Variants in SH3RF3 observed in about 807,000 individuals in gnomAD.
SH3RF3 encodes SH3 domain containing ring finger 3.
In SH3RF3, 29 loss-of-function variants were observed where a neutral mutation model predicts 66.3. The observed-to-expected ratio is 0.44, with a 90% CI of 0.33 to 0.60. SH3RF3 has a LOEUF of 0.60. SH3RF3 is among the 20% of genes least tolerant of loss of function. SH3RF3 has a pLI of 0.04. For synonymous variants in SH3RF3, 583 were observed against 532.0 expected (o/e 1.10, Z -1.32); for missense variants, 1,194 against 1,190.9 (o/e 1.00, Z -0.04).
At chr2:109,342,191 C>T (rs1174866170) in intron 1 of SH3RF3, among the ~76,000 whole-genome samples, 1 of 152,208 alleles carries the variant, frequency 6.6e-6, no homozygotes, top group Non-Finnish European at 1.5e-5. Context: ...TTCTCATCAG[C>T]CATACCTGGG....
intron 1 of SH3RF3, among the ~76,000 whole-genome samples, chr2:109,230,714 GC>G (rs1165147133): frequency 7.2e-5 from 11 of 152,228 alleles, no homozygotes; most frequent in Admixed American, 2.6e-4. Flanking sequence ...TATGTCACCA[GC>G]ATTAAGTACA....
At chr2:109,440,190 T>C (rs1178108978) in intron 7 of SH3RF3, among the ~76,000 whole-genome samples, 2 of 152,194 alleles carry the variant, frequency 1.3e-5, no homozygotes, top group African/African-American at 2.4e-5. Flanking sequence ...AGTGTGTAGA[T>C]GACAGTTCCC....
rs1679455073 is a variant in SH3RF3, at chr2:109,503,707, T to A, written c.*2036T>A. 6.6e-6 allele frequency: 1 copy of A among 152,150 alleles called. No individual in the cohort carries two copies. The highest frequency in any genetic ancestry group is 1.5e-5 in the Non-Finnish European group (1 of 68,032). 9.4% of individuals were successfully genotyped at this position (152,150 alleles called of 1,614,324 possible). A position where few individuals can be genotyped will look rare whatever the true frequency, so the allele number is the denominator to read the frequency against. On this transcript the variant is annotated 3_prime_UTR_variant, in exon 10 of 10. Transcript: ENST00000309415. ...TGTTCTCCAGGGAAACCAGACCAAG[T>A]CAAGTCTCCAGGTAACTTTTTTGAA... is the stretch of plus-strand genomic sequence containing the variant.
intron 1 of SH3RF3, among the ~76,000 whole-genome samples, chr2:109,336,403 G>A (rs1335014005): frequency 6.6e-6 from 1 of 152,228 alleles, no homozygotes; most frequent in Non-Finnish European, 1.5e-5. Context: ...TGACTCACTA[G>A]CATGCAAAAT....
chr2:109,147,497 A>G (rs1364526461), intron 1 of SH3RF3, among the ~76,000 whole-genome samples: 2 of 152,200 alleles, frequency 1.3e-5, no homozygotes, highest in Non-Finnish European at 2.9e-5. Flanking sequence ...AACAGATCTG[A>G]TAAGAAGCCC....
intron 1 of SH3RF3, among the ~76,000 whole-genome samples, chr2:109,212,657 C>A (rs1679014312): frequency 6.6e-6 from 1 of 152,188 alleles, no homozygotes; most frequent in Admixed American, 6.5e-5. Flanking sequence ...TAGCAACCTC[C>A]CTTTTCTTGT....
At chr2:109,441,531 TGAATG>T in intron 7 of SH3RF3, among the ~76,000 whole-genome samples, 1 of 152,062 alleles carries the variant, frequency 6.6e-6, no homozygotes, top group Non-Finnish European at 1.5e-5. Context: ...TTTTGAAAAA[TGAATG>T]GAATCCGTGA....
At chr2:109,346,479 T>C (rs988045029) in intron 1 of SH3RF3, among the ~76,000 whole-genome samples, 3 of 152,042 alleles carry the variant, frequency 2.0e-5, no homozygotes, top group African/African-American at 7.2e-5. Context: ...GGTAGGAAAA[T>C]CGTTGGGTAT....
intron 1 of SH3RF3, among the ~76,000 whole-genome samples, chr2:109,182,976 T>G (rs1287864951): frequency 1.3e-5 from 2 of 152,244 alleles, no homozygotes; most frequent in Admixed American, 6.5e-5. Context: ...GACCCCATTT[T>G]GGGTCTCCTA....
At chr2:109,166,417 TG>T (rs1239686852) in intron 1 of SH3RF3, among the ~76,000 whole-genome samples, 1 of 146,462 alleles carries the variant, frequency 6.8e-6, no homozygotes, top group Non-Finnish European at 1.5e-5. Flanking sequence ...GCGGAGGTTG[TG>T]GTGAGCTGAG....
At chr2:109,345,649 G>A (rs1366777019) in intron 1 of SH3RF3, among the ~76,000 whole-genome samples, 1 of 152,184 alleles carries the variant, frequency 6.6e-6, no homozygotes, top group African/African-American at 2.4e-5. Context: ...GGATATCTAA[G>A]TGTCTCCATG....
At chr2:109,423,509 AC>A (rs2104535066) in intron 5 of SH3RF3, among the ~76,000 whole-genome samples, 1 of 152,302 alleles carries the variant, frequency 6.6e-6, no homozygotes, top group East Asian at 1.9e-4. Flanking sequence ...AGACAGGGGC[AC>A]CTTCCATTCC....
chr2:109,349,769 T>A (rs933676824), intron 2 of SH3RF3, among the ~76,000 whole-genome samples: 4 of 152,212 alleles, frequency 2.6e-5, no homozygotes, highest in Admixed American at 2.6e-4. Flanking sequence ...GTAGGCCTGC[T>A]TCTCTGGGCA....
chr2:109,251,459 T>C, intron 1 of SH3RF3: 2 of 729,312 alleles, frequency 2.7e-6, no homozygotes, highest in Admixed American at 1.7e-5. Flanking sequence ...AAAAAATCTA[T>C]GGACAAGAAG....
intron 1 of SH3RF3, among the ~76,000 whole-genome samples, chr2:109,340,093 G>T (rs553613410): frequency 6.6e-6 from 1 of 152,294 alleles, no homozygotes; most frequent in African/African-American, 2.4e-5. Flanking sequence ...GGAGTGTCTG[G>T]TGGGGAGTAG....
chr2:109,191,311 C>G (rs1211349821), intron 1 of SH3RF3, among the ~76,000 whole-genome samples: 1 of 152,190 alleles, frequency 6.6e-6, no homozygotes, highest in Non-Finnish European at 1.5e-5. Flanking sequence ...GTGCAATGCC[C>G]TGGAGAATCA....
At chr2:109,193,879 G>A (rs1188833630) in intron 1 of SH3RF3, among the ~76,000 whole-genome samples, 2 of 152,158 alleles carry the variant, frequency 1.3e-5, no homozygotes, top group African/African-American at 2.4e-5. Flanking sequence ...GATAATCTCC[G>A]TTTACAGGGT....
intron 1 of SH3RF3, among the ~76,000 whole-genome samples, chr2:109,187,130 G>C (rs1678211589): frequency 1.3e-5 from 2 of 149,752 alleles, no homozygotes; most frequent in African/African-American, 2.4e-5. Context: ...ACAGGGTGAG[G>C]GACACAGGAC....
intron 3 of SH3RF3, among the ~76,000 whole-genome samples, chr2:109,386,352 C>CA (rs1348700571): frequency 2.6e-5 from 4 of 151,932 alleles, no homozygotes; most frequent in Non-Finnish European, 4.4e-5. Flanking sequence ...CAGGGAAGGT[C>CA]AGGCCGTACA....
Sources: gnomAD v4.1 joint callset for allele counts (sites outside exome capture counted in the v4.1 genomes callset) on GRCh38, gnomAD v4.1.1 for gene constraint, MANE v1.5 for transcripts, NCBI Gene and HGNC (gene_info 2026-07-23, HGNC 2026-07-21) for gene names.